FHIT: variants seen among roughly 807,000 people sequenced by gnomAD.
FHIT encodes fragile histidine triad diadenosine triphosphatase, also known as bis(5'-adenosyl)-triphosphatase.
FHIT carries 19 observed loss-of-function variants against 17.9 expected under a neutral mutation model. The observed-to-expected ratio is 1.06, with a 90% CI of 0.74 to 1.56. FHIT has a LOEUF of 1.56. Among genes scored for constraint, FHIT ranks in the 40% most tolerant of loss-of-function variants. The pLI is 0.00. For missense variants in FHIT, 248 were observed against 189.2 expected, an observed-to-expected ratio of 1.31 and a Z score of -1.82; for synonymous variants, 81 against 69.7, an observed-to-expected ratio of 1.16 and a Z score of -0.81.
chr3:60,117,236 C>T (rs999167816), intron 5 of FHIT, among the ~76,000 whole-genome samples: 17 of 151,856 alleles, frequency 1.1e-4, no homozygotes, highest in Non-Finnish European at 2.4e-4. Context: ...CCCTACAAGC[C>T]GAAGACATTT....
chr3:60,359,519 T>C (rs1352623722), intron 5 of FHIT, among the ~76,000 whole-genome samples: 1 of 152,056 alleles, frequency 6.6e-6, no homozygotes, highest in African/African-American at 2.4e-5. Context: ...GACCTCGTGA[T>C]CCACCCGCCT....
chr3:61,202,030 GTA>G (rs893842669), intron 1 of FHIT, among the ~76,000 whole-genome samples: 18 of 150,780 alleles, frequency 1.2e-4, no homozygotes, highest in Admixed American at 7.9e-4. Flanking sequence ...ATACACATGT[GTA>G]TATATATACC....
At chr3:61,016,078 C>T (rs933581323) in intron 3 of FHIT, among the ~76,000 whole-genome samples, 1 of 152,222 alleles carries the variant, frequency 6.6e-6, no homozygotes, top group Admixed American at 6.5e-5. Flanking sequence ...CACTTCCTAA[C>T]AGGCCCAAAG....
At chr3:60,047,386 T>A (rs1367461685) in intron 5 of FHIT, among the ~76,000 whole-genome samples, 2 of 152,174 alleles carry the variant, frequency 1.3e-5, no homozygotes, top group African/African-American at 4.8e-5. Context: ...CATTTACACA[T>A]ATGGACACTG....
chr3:60,730,735 T>C (rs1431119072), intron 4 of FHIT: 2 of 152,380 alleles, frequency 1.3e-5, no homozygotes, highest in Non-Finnish European at 2.9e-5. Flanking sequence ...CCTGGCACTT[T>C]TTGCTAATCC....
rs573342040 is a variant in FHIT at position 60,988,056 on chromosome 3, G to A, written c.-111+53991C>T. Among the ~76,000 whole-genome samples the A allele has an allele frequency of 2.0e-5, 3 of 152,288 alleles. 1 individual carries two copies. The South Asian group carries it at 6.2e-4, about 32-fold the overall frequency. On this transcript the variant is annotated intron_variant, in intron 3 of 9. Transcript: ENST00000492590. ...GAAGACTGAAGGCTTCTTAGAGAGA[G>A]AGGGAATGTCACCTTGTACTATCAA...
At chr3:60,998,237 T>C (rs985457839) in intron 3 of FHIT, among the ~76,000 whole-genome samples, 4 of 152,202 alleles carry the variant, frequency 2.6e-5, no homozygotes, top group Non-Finnish European at 4.4e-5. Flanking sequence ...ATACTCTGGA[T>C]AGAGAGTAGC....
chr3:60,173,915 A>ATATATATTTTTTTTTTT, intron 5 of FHIT, among the ~76,000 whole-genome samples: 3 of 66,440 alleles, frequency 4.5e-5, no homozygotes, highest in Non-Finnish European at 5.5e-5. Flanking sequence ...ATATATATAT[A>ATATATATTTTTTTTTTT]TGTTTTTTTT....
chr3:61,037,023 T>G (rs1323721275), intron 3 of FHIT, among the ~76,000 whole-genome samples: 1 of 151,492 alleles, frequency 6.6e-6, no homozygotes, highest in African/African-American at 2.4e-5. Context: ...GCCACTCTAC[T>G]GCCTCAGCCT....
intron 3 of FHIT, among the ~76,000 whole-genome samples, chr3:60,947,541 A>G (rs910868641): frequency 9.9e-5 from 15 of 152,220 alleles, no homozygotes; most frequent in Admixed American, 5.2e-4. Flanking sequence ...GTTCTTTGGT[A>G]TCCCAAATGA....
chr3:60,068,166 C>T (rs1702602212), intron 5 of FHIT, among the ~76,000 whole-genome samples: 2 of 152,096 alleles, frequency 1.3e-5, no homozygotes, highest in South Asian at 4.1e-4. Flanking sequence ...AACCAGGAGG[C>T]AGAGGTTGCA....
chr3:61,149,740 T>G lies in FHIT; in HGVS notation c.-164+50877A>C, dbSNP rs117191373. ...AAAAAATACAAAAATATTAGCCATATGTGGTGGTGCGCACCTGTAGCCTCA... is the reference window on the plus strand; with the variant it reads ...AAAAAATACAAAAATATTAGCCATAGGTGGTGGTGCGCACCTGTAGCCTCA... On this transcript the variant is annotated intron_variant, in intron 2 of 9. Coordinates refer to ENST00000492590, the MANE Select transcript of FHIT (RefSeq NM_002012.4). 2.2e-3 allele frequency among the ~76,000 whole-genome samples: 327 copies of G among 152,036 alleles called. 10 individuals are homozygous for G. In the East Asian group the frequency reaches 0.039, roughly 18 times the overall value.
intron 7 of FHIT, among the ~76,000 whole-genome samples, chr3:59,937,377 G>A (rs530957917): frequency 2.5e-4 from 38 of 152,274 alleles, no homozygotes; most frequent in Admixed American, 1.0e-3. Context: ...TCTGCAGAGC[G>A]GTGATGAAAT....
chr3:61,140,022 C>CAAA (rs112352685), intron 2 of FHIT, among the ~76,000 whole-genome samples: 14 of 110,048 alleles, frequency 1.3e-4, no homozygotes, highest in African/African-American at 3.3e-4. Context: ...CAAGAGAAAG[C>CAAA]AAAAAAAAAA....
At chr3:60,664,091 C>G (rs2040325645) in intron 4 of FHIT, among the ~76,000 whole-genome samples, 1 of 152,152 alleles carries the variant, frequency 6.6e-6, no homozygotes, top group South Asian at 2.1e-4. Context: ...CAGGGATGCT[C>G]TTTAGCAAGT....
chr3:59,798,913 T>C (rs183670945), intron 8 of FHIT, among the ~76,000 whole-genome samples: 275 of 152,296 alleles, frequency 1.8e-3, no homozygotes, highest in African/African-American at 6.3e-3. Context: ...TCAGTTGGCA[T>C]TGGACGTATT....
At chr3:59,865,202 TA>T (rs1702589300) in intron 8 of FHIT, among the ~76,000 whole-genome samples, 1 of 152,114 alleles carries the variant, frequency 6.6e-6, no homozygotes, top group African/African-American at 2.4e-5. Flanking sequence ...CTTAAAAGCA[TA>T]AAAAATTAAT....
chr3:60,027,131 ACACACACACACACACAC>A (rs1559559974), intron 5 of FHIT, among the ~76,000 whole-genome samples: 1 of 132,142 alleles, frequency 7.6e-6, no homozygotes. Context: ...ACACACACAC[ACACACACACACACACAC>A]AAAATTAGTA....
chr3:60,327,743 C>T (rs1709768497), intron 5 of FHIT, among the ~76,000 whole-genome samples: 1 of 152,178 alleles, frequency 6.6e-6, no homozygotes, highest in Non-Finnish European at 1.5e-5. Flanking sequence ...AGTTTGTCCT[C>T]AGTGACTGGA....
Sources: allele counts gnomAD v4.1 joint callset (sites outside exome capture counted in the v4.1 genomes callset), GRCh38; gene constraint gnomAD v4.1.1; transcripts MANE v1.5; gene names NCBI Gene and HGNC (gene_info 2026-07-23, HGNC 2026-07-21).